MROH7: variants seen among roughly 807,000 people sequenced by gnomAD.
MROH7 encodes the protein maestro heat-like repeat-containing protein family member 7.
A neutral mutation model predicts 129.2 loss-of-function variants in MROH7; 113 were observed. The observed-to-expected ratio is 0.87, with a 90% CI of 0.75 to 1.02. The LOEUF (loss-of-function observed/expected upper bound fraction) is 1.02, where lower values mean the gene tolerates loss of function less well. MROH7 is among the 50% of genes least tolerant of loss of function. MROH7 has a pLI of 0.00. For missense variants in MROH7, 1,601 were observed against 1,671.3 expected (o/e 0.96, Z 0.73); for synonymous variants, 655 against 667.9 (o/e 0.98, Z 0.30).
chr1:54,697,707 T>A, intron 17 of MROH7: 1 of 703,140 alleles, frequency 1.4e-6, no homozygotes, highest in Non-Finnish European at 2.6e-6. Context: ...TAAGGGGAAT[T>A]TTTTAAGGTC....
intron 3 of MROH7, among the ~76,000 whole-genome samples, chr1:54,661,420 C>T (rs1644729819): frequency 6.6e-6 from 1 of 151,844 alleles, no homozygotes; most frequent in Non-Finnish European, 1.5e-5. Flanking sequence ...CCGTGTTGAT[C>T]AGGCTGGTTT....
At position 54,710,131 on chromosome 1, in the gene MROH7, C is replaced by T. The variant is rs61768790; in HGVS notation, c.3916C>T (p.Arg1306Trp). The T allele has an allele frequency of 5.6e-6, 9 of 1,613,740 alleles. No homozygotes were observed. The highest frequency in any genetic ancestry group is 1.1e-5 in the South Asian group (1 of 91,052). Reference sequence around the variant, plus strand: ...TGAGAACCTGCCCACTTCCCACCAGCGGCGCTCCTGGATCATGCAGGCACT... The same window carrying T: ...TGAGAACCTGCCCACTTCCCACCAGTGGCGCTCCTGGATCATGCAGGCACT... ...SCENLPTSHQ[R>W]RSWIMQALGS... Residue 1306 changes from arginine (R) to tryptophan (W), a missense_variant, in exon 24 of 24, where the codon CGG becomes TGG. Physicochemically the swap from Arg to Trp is moderately radical, Grantham distance 101. Transcript: ENST00000421030.
intron 17 of MROH7, 38 bp from the exon 18 acceptor site, chr1:54,700,283 C>A (rs749677101): frequency 4.3e-6 from 7 of 1,613,568 alleles, no homozygotes; most frequent in African/African-American, 2.7e-5. Context: ...TGCCCTGCCC[C>A]CCTCAGCCTG....
At chr1:54,675,565 G>A (rs1247508746) in intron 10 of MROH7, among the ~76,000 whole-genome samples, 4 of 151,486 alleles carry the variant, frequency 2.6e-5, no homozygotes, top group African/African-American at 9.7e-5. Context: ...GTAGGAGTAG[G>A]AGCCTCTGTG....
Position 54,653,661 on chromosome 1 carries a change from T to C in MROH7, c.735T>C (p.Asn245=). Residue 245 remains asparagine, a synonymous_variant, in exon 3 of 24, where the codon AAT becomes AAC. Coordinates refer to ENST00000421030, the MANE Select transcript of MROH7 (RefSeq NM_001039464.4). ...DSHGTLIPDT[N]ETITLASHNI... ...ATGGGACCCTAATCCCAGACACAAA[T>C]GAGACCATCACTTTGGCTTCACATA... 2 of 1,614,044 alleles carry C rather than the reference T, an allele frequency of 1.2e-6. No homozygotes were observed. The highest frequency in any genetic ancestry group is 1.7e-6 in the Non-Finnish European group (2 of 1,179,928).
At chr1:54,646,199 G>A (rs1480731636) in intron 1 of MROH7, among the ~76,000 whole-genome samples, 1 of 152,194 alleles carries the variant, frequency 6.6e-6, no homozygotes, top group African/African-American at 2.4e-5. Context: ...TCTGATGCTG[G>A]GTGGAGGGCC....
chr1:54,690,324 T>A (rs1053557625), intron 15 of MROH7, among the ~76,000 whole-genome samples: 4 of 150,576 alleles, frequency 2.7e-5, no homozygotes, highest in Non-Finnish European at 5.9e-5. Flanking sequence ...AGGGAGGGGG[T>A]GTGGAAACCC....
Position 54,670,743 on chromosome 1 carries a change from C to T in MROH7, c.1470-57C>T. On this transcript the variant is annotated intron_variant, in intron 6 of 23. Coordinates refer to ENST00000421030, the MANE Select transcript of MROH7 (RefSeq NM_001039464.4). ...CTGTGCTCCTCAGCTCAGCCCCCGTCTATAGCCATAGGGCCCCTCTCTCAC... is the reference window on the plus strand; with the variant it reads ...CTGTGCTCCTCAGCTCAGCCCCCGTTTATAGCCATAGGGCCCCTCTCTCAC... The T allele has an allele frequency of 2.5e-6, 4 of 1,598,048 alleles. No homozygotes were observed. In the South Asian group the frequency reaches 4.6e-5, roughly 18 times the overall value.
rs753117826 is a variant in MROH7 at position 54,678,726 on chromosome 1, G to C, written c.1937-16G>C. 6.3e-7 allele frequency: 1 copy of C among 1,580,928 alleles called. No homozygotes were observed. The highest frequency in any genetic ancestry group is 8.7e-7 in the Non-Finnish European group (1 of 1,150,014). On this transcript the variant is annotated splice_polypyrimidine_tract_variant and intron_variant, in intron 10 of 23. Transcript: ENST00000421030. Reference sequence around the variant, plus strand: ...TAGGGAGATCCGGCCTCACTGAGAAGGTTCTCATCTTGCAGGAGCCAGAGA... The same window carrying C: ...TAGGGAGATCCGGCCTCACTGAGAACGTTCTCATCTTGCAGGAGCCAGAGA...
chr1:54,705,941 T>A (rs955990911), intron 21 of MROH7, among the ~76,000 whole-genome samples: 2 of 152,186 alleles, frequency 1.3e-5, no homozygotes, highest in Non-Finnish European at 2.9e-5. Context: ...CGTGACTACC[T>A]CTGTCAGACT....
chr1:54,673,111 G>A lies in MROH7; in HGVS notation c.1620G>A (p.Leu540=). 1 of 1,613,758 alleles carries A rather than the reference G, an allele frequency of 6.2e-7. No homozygotes were observed. The highest frequency in any genetic ancestry group is 1.1e-5 in the South Asian group (1 of 91,042). ...ETIQALYHQT[L]EALQTLLKAL... The stretch of plus-strand genomic sequence containing the variant: ...CACAGGCTCTTTACCATCAGACCCT[G>A]GAGGCCCTGCAGACACTGCTCAAAG... The change falls in exon 8 of 24, where the codon CTG becomes CTA. Residue 540 remains leucine (L), a synonymous_variant. Transcript: ENST00000421030.
intron 1 of MROH7, among the ~76,000 whole-genome samples, chr1:54,646,429 G>A (rs1167489713): frequency 3.9e-5 from 6 of 152,174 alleles, no homozygotes; most frequent in Admixed American, 3.3e-4. Flanking sequence ...GTGGTGCCCA[G>A]TTTGGGTTAT....
intron 7 of MROH7, among the ~76,000 whole-genome samples, chr1:54,671,269 G>C (rs374267170): frequency 1.3e-5 from 2 of 152,006 alleles, no homozygotes; most frequent in Non-Finnish European, 2.9e-5. Context: ...GCGTGGCAGC[G>C]GGCGCCTGTA....
chr1:54,648,480 C>T (rs1473179855), intron 1 of MROH7, among the ~76,000 whole-genome samples: 1 of 151,950 alleles, frequency 6.6e-6, no homozygotes, highest in Non-Finnish European at 1.5e-5. Context: ...ACTCTCCTGC[C>T]TCAGCCTCCC....
chr1:54,702,888 A>C, intron 21 of MROH7, 143 bp downstream of exon 21: 2 of 961,490 alleles, frequency 2.1e-6, no homozygotes, highest in East Asian at 2.6e-5. Flanking sequence ...GTTCCTCTCC[A>C]CCTCTGGCTT....
intron 1 of MROH7, among the ~76,000 whole-genome samples, chr1:54,642,804 G>A (rs181263659): frequency 5.3e-5 from 8 of 151,312 alleles, no homozygotes; most frequent in Admixed American, 1.3e-4. Context: ...TTGTAGTGAC[G>A]CGGTTTTGCC....
chr1:54,709,182 C>G (rs528283664), intron 23 of MROH7, 106 bp downstream of exon 23: 19 of 1,082,292 alleles, frequency 1.8e-5, no homozygotes, highest in Non-Finnish European at 2.1e-5. Flanking sequence ...AGACAAGGGT[C>G]TTCAACTCAG....
Position 54,654,110 on chromosome 1 carries a change from C to G in MROH7, c.1184C>G (p.Ser395Cys), listed in dbSNP as rs1644603943. 1 of 1,613,784 alleles carries G rather than the reference C, an allele frequency of 6.2e-7. No individual in the cohort carries two copies. Among genetic ancestry groups the G allele is most frequent in the South Asian group, 1.1e-5 (1 of 91,018 alleles). Residue 395 changes from serine (S) to cysteine (C), a missense_variant, in exon 3 of 24, where the codon TCC becomes TGC. Transcript: ENST00000421030. ...VGQFPLGFPI[S>C]NPAGKDAVTL... ...CAGTTCCCGCTGGGATTCCCCATCT[C>G]CAACCCCGCAGGCAAGGACGCCGTG...
intron 10 of MROH7, 49 bp downstream of exon 10, chr1:54,674,200 C>T (rs779813422): frequency 2.5e-6 from 4 of 1,585,838 alleles, no homozygotes; most frequent in Admixed American, 3.5e-5. Flanking sequence ...AGTTGTTGCT[C>T]AGTCTGGATT....
Sources: allele counts gnomAD v4.1 joint callset (sites outside exome capture counted in the v4.1 genomes callset), GRCh38; gene constraint gnomAD v4.1.1; transcripts MANE v1.5; gene names NCBI Gene and HGNC (gene_info 2026-07-23, HGNC 2026-07-21).